The following GLRA1 variants were observed in gnomAD, a reference collection of about 807,000 sequenced individuals.
GLRA1 encodes the protein glycine receptor alpha 1, also known as glycine receptor subunit alpha-1.
A neutral mutation model predicts 48.3 loss-of-function variants in GLRA1; 37 were observed. That is an observed-to-expected ratio of 0.77 (90% CI 0.59 to 1.01). The LOEUF is 1.01. GLRA1 is among the 50% of genes least tolerant of loss of function. The probability of loss-of-function intolerance (pLI) is 0.00; values close to 1 mark genes in which losing one functional copy is unlikely to be tolerated. For missense variants in GLRA1, 427 were observed against 571.0 expected, an observed-to-expected ratio of 0.75 and a Z score of 2.57; for synonymous variants, 196 against 210.7, an observed-to-expected ratio of 0.93 and a Z score of 0.60.
intron 1 of GLRA1, among the ~76,000 whole-genome samples, chr5:151,919,163 A>G (rs1278287675): frequency 1.3e-5 from 2 of 152,222 alleles, no homozygotes; most frequent in African/African-American, 2.4e-5. Context: ...GACATTGCTT[A>G]TCCCATGGTA....
intron 3 of GLRA1, among the ~76,000 whole-genome samples, chr5:151,867,303 A>G (rs1216393464): frequency 6.6e-6 from 1 of 152,106 alleles, no homozygotes; most frequent in Non-Finnish European, 1.5e-5. Context: ...TGAGGTGTGA[A>G]CAGTATCTGG....
At chr5:151,831,400 C>G (rs887987873) in intron 7 of GLRA1, among the ~76,000 whole-genome samples, 4 of 152,252 alleles carry the variant, frequency 2.6e-5, no homozygotes, top group Non-Finnish European at 4.4e-5. Context: ...GATCCACTGG[C>G]TTGAAATTCT....
intron 1 of GLRA1, among the ~76,000 whole-genome samples, chr5:151,916,380 G>A (rs1297263852): frequency 6.6e-6 from 1 of 152,228 alleles, no homozygotes; most frequent in Non-Finnish European, 1.5e-5. Context: ...CAGCCTTGCC[G>A]CATTCCTCTG....
chr5:151,832,839 C>T (rs746408086), intron 7 of GLRA1, among the ~76,000 whole-genome samples: 1 of 152,088 alleles, frequency 6.6e-6, no homozygotes, highest in Non-Finnish European at 1.5e-5. Context: ...CCGCAAGACA[C>T]ATAATTGTCA....
chr5:151,901,011 G>A (rs1754353725), intron 1 of GLRA1, among the ~76,000 whole-genome samples: 1 of 152,146 alleles, frequency 6.6e-6, no homozygotes, highest in Non-Finnish European at 1.5e-5. Flanking sequence ...TGATTTGACT[G>A]GAGTCCAAAG....
At chr5:151,899,228 C>T (rs912018939) in intron 1 of GLRA1, among the ~76,000 whole-genome samples, 1 of 152,162 alleles carries the variant, frequency 6.6e-6, no homozygotes, top group African/African-American at 2.4e-5. Flanking sequence ...GAGGCTGCCA[C>T]TCTGCTTAGG....
chr5:151,834,842 A>G (rs1196189651), intron 7 of GLRA1, among the ~76,000 whole-genome samples: 2 of 152,062 alleles, frequency 1.3e-5, no homozygotes, highest in African/African-American at 2.4e-5. Flanking sequence ...CCTGGCTAAC[A>G]CGATGAAACC....
chr5:151,840,359 A>G (rs887248688), intron 7 of GLRA1, among the ~76,000 whole-genome samples: 1 of 152,188 alleles, frequency 6.6e-6, no homozygotes, highest in African/African-American at 2.4e-5. Context: ...TCAGCCTCCC[A>G]AAGTGCTGGA....
chr5:151,890,384 A>G (rs1251293626), intron 2 of GLRA1, among the ~76,000 whole-genome samples: 3 of 152,228 alleles, frequency 2.0e-5, no homozygotes, highest in Non-Finnish European at 2.9e-5. Context: ...GAGCAAGACC[A>G]TGGCCCCTCC....
At chr5:151,852,967 A>G (rs915171560) in intron 6 of GLRA1, among the ~76,000 whole-genome samples, 1 of 152,228 alleles carries the variant, frequency 6.6e-6, no homozygotes, top group Non-Finnish European at 1.5e-5. Flanking sequence ...GGACATTTTT[A>G]TATTAAGTGA....
At chr5:151,834,735 TAAAG>T (rs1049833516) in intron 7 of GLRA1, among the ~76,000 whole-genome samples, 11 of 152,046 alleles carry the variant, frequency 7.2e-5, no homozygotes, top group Admixed American at 4.6e-4. Flanking sequence ...GCCAGCCTAA[TAAAG>T]AAAAGAGGCT....
At chr5:151,909,205 C>A (rs1419200629) in intron 1 of GLRA1, among the ~76,000 whole-genome samples, 1 of 152,138 alleles carries the variant, frequency 6.6e-6, no homozygotes, top group Non-Finnish European at 1.5e-5. Flanking sequence ...AGATGTCATT[C>A]TAACATAAGG....
intron 3 of GLRA1, among the ~76,000 whole-genome samples, chr5:151,865,269 G>A (rs1698465662): frequency 6.6e-6 from 1 of 152,192 alleles, no homozygotes; most frequent in African/African-American, 2.4e-5. Flanking sequence ...TAAACGCAGG[G>A]TGCTAGGGAA....
intron 1 of GLRA1, among the ~76,000 whole-genome samples, chr5:151,924,025 G>A (rs565493221): frequency 6.6e-6 from 1 of 152,156 alleles, no homozygotes; most frequent in Non-Finnish European, 1.5e-5. Flanking sequence ...GCGAGTTTGA[G>A]TGCAACCTTC....
At chr5:151,849,237 CCTT>C (rs1752804990) in intron 7 of GLRA1, among the ~76,000 whole-genome samples, 1 of 94,750 alleles carries the variant, frequency 1.1e-5, no homozygotes, top group African/African-American at 4.6e-5. Context: ...TTCCTTCCTT[CCTT>C]CCTTCCTTCC....
intron 2 of GLRA1, among the ~76,000 whole-genome samples, chr5:151,889,191 G>C (rs762020290): frequency 2.6e-5 from 4 of 152,262 alleles, no homozygotes; most frequent in Non-Finnish European, 5.9e-5. Context: ...AAATAAATCT[G>C]AAATTAAATT....
intron 5 of GLRA1, 50 bp downstream of exon 5, chr5:151,856,251 G>A (rs1753038439): frequency 1.6e-6 from 2 of 1,273,168 alleles, no homozygotes; most frequent in East Asian, 2.3e-5. Context: ...CCTATCCCAT[G>A]GGTAAAAAGG....
chr5:151,916,011 G>A (rs974453230), intron 1 of GLRA1, among the ~76,000 whole-genome samples: 3 of 152,030 alleles, frequency 2.0e-5, no homozygotes, highest in Non-Finnish European at 2.9e-5. Flanking sequence ...AGAGGGGGAG[G>A]GTTATTAGAC....
At chr5:151,898,260 CT>C (rs1362192860) in intron 1 of GLRA1, among the ~76,000 whole-genome samples, 3 of 150,702 alleles carry the variant, frequency 2.0e-5, no homozygotes. Flanking sequence ...TTTGTCTGGA[CT>C]TTTTTGGAGG....
Sources: allele counts gnomAD v4.1 joint callset (sites outside exome capture counted in the v4.1 genomes callset), GRCh38; gene constraint gnomAD v4.1.1; transcripts MANE v1.5; gene names NCBI Gene and HGNC (gene_info 2026-07-23, HGNC 2026-07-21).